The following DOCK1 variants were observed in gnomAD, a reference collection of about 807,000 sequenced individuals.
The protein encoded by DOCK1 is dedicator of cytokinesis protein 1.
DOCK1 carries 138 observed loss-of-function variants against 262.7 expected under a neutral mutation model. The observed-to-expected ratio is 0.53, with a 90% CI of 0.46 to 0.61. DOCK1 has a LOEUF of 0.61. Among genes scored for constraint, DOCK1 ranks in the 20% least tolerant of loss-of-function variants. The pLI is 0.00. For missense variants in DOCK1, 1,908 were observed against 2,370.7 expected (o/e 0.80, Z 4.05); for synonymous variants, 866 against 867.4 (o/e 1.00, Z 0.03).
At chr10:126,928,689 G>A (rs969322734) in intron 1 of DOCK1, among the ~76,000 whole-genome samples, 1 of 152,236 alleles carries the variant, frequency 6.6e-6, no homozygotes, top group Non-Finnish European at 1.5e-5. Flanking sequence ...GTTAAGAAGA[G>A]GAGGGACGCA....
At chr10:127,086,437 G>A (rs1030812173) in intron 23 of DOCK1, among the ~76,000 whole-genome samples, 1 of 152,080 alleles carries the variant, frequency 6.6e-6, no homozygotes, top group South Asian at 2.1e-4. Context: ...AAGTTACCTG[G>A]CAGAATGAAT....
chr10:127,078,785 C>T (rs116026309), intron 23 of DOCK1, among the ~76,000 whole-genome samples: 1,708 of 152,240 alleles, frequency 0.011, 36 homozygotes, highest in African/African-American at 0.039. Context: ...TTTACAGCAA[C>T]CTGGATGGAG....
rs1218472134 is a variant in DOCK1 at position 127,355,150 on chromosome 10, C to CA, written c.3283+423_3283+424insA. Among the ~76,000 whole-genome samples, 4 of 29,492 alleles carry CA rather than the reference C, an allele frequency of 1.4e-4. No individual in the cohort carries two copies. In the African/African-American group the frequency reaches 1.5e-3, roughly 11 times the overall value. 19.3% of individuals were successfully genotyped at this position (29,492 alleles called of 152,430 possible). On this transcript the variant is annotated intron_variant, in intron 32 of 51. Coordinates refer to ENST00000623213, the MANE Select transcript of DOCK1 (RefSeq NM_001290223.2). ...ATTCCCCTCCTCAAAACCAGATCTA[C>CA]CTGGTGGCAGCCTAACATGCTCCTG...
At chr10:127,346,494 G>A (rs1207760622) in intron 31 of DOCK1, among the ~76,000 whole-genome samples, 1 of 152,170 alleles carries the variant, frequency 6.6e-6, no homozygotes, top group South Asian at 2.1e-4. Context: ...TACTCAGGAG[G>A]CTGAAGTGGG....
At chr10:126,944,592 C>T (rs1029648063) in intron 1 of DOCK1, among the ~76,000 whole-genome samples, 4 of 151,840 alleles carry the variant, frequency 2.6e-5, no homozygotes, top group Non-Finnish European at 2.9e-5. Flanking sequence ...GACCGGGGAG[C>T]GGAGGCCCAG....
At chr10:127,165,644 A>G (rs72834691) in intron 27 of DOCK1, among the ~76,000 whole-genome samples, 1 of 152,164 alleles carries the variant, frequency 6.6e-6, no homozygotes, top group East Asian at 1.9e-4. Context: ...TGTGGACATC[A>G]ATATGAGGAA....
chr10:127,025,602 A>G (rs1366789186), intron 15 of DOCK1, among the ~76,000 whole-genome samples: 3 of 152,016 alleles, frequency 2.0e-5, no homozygotes, highest in Admixed American at 6.5e-5. Context: ...ATGTACCATG[A>G]TGCCTGGCTA....
At chr10:127,327,115 G>A (rs2062778060) in intron 29 of DOCK1, among the ~76,000 whole-genome samples, 8 of 152,238 alleles carry the variant, frequency 5.3e-5, no homozygotes, top group Admixed American at 5.2e-4. Flanking sequence ...AGGATGTTCA[G>A]AATAACAAAT....
intron 29 of DOCK1, among the ~76,000 whole-genome samples, chr10:127,301,872 G>C (rs1408982895): frequency 6.6e-6 from 1 of 151,640 alleles, no homozygotes; most frequent in Non-Finnish European, 1.5e-5. Flanking sequence ...CTTGAACCCA[G>C]GAGGTGGAGG....
chr10:127,298,083 G>T (rs2061561809), intron 29 of DOCK1, among the ~76,000 whole-genome samples: 1 of 152,210 alleles, frequency 6.6e-6, no homozygotes. Context: ...GTGTGAATCA[G>T]TGTGAATTTT....
intron 23 of DOCK1, among the ~76,000 whole-genome samples, chr10:127,078,085 C>T (rs758090661): frequency 3.9e-5 from 6 of 151,942 alleles, no homozygotes; most frequent in Non-Finnish European, 7.4e-5. Context: ...TATTAGAGAT[C>T]CTGAGCTGAC....
chr10:127,323,375 C>T (rs937916438), intron 29 of DOCK1, among the ~76,000 whole-genome samples: 7 of 152,152 alleles, frequency 4.6e-5, no homozygotes, highest in African/African-American at 1.7e-4. Context: ...GACGTCTCTC[C>T]TGTGTATATT....
chr10:127,350,254 A>T (rs1014179516), intron 31 of DOCK1, among the ~76,000 whole-genome samples: 4 of 115,354 alleles, frequency 3.5e-5, no homozygotes, highest in African/African-American at 1.0e-4. Context: ...AAGTGGCGGC[A>T]GCGGGGACGC....
chr10:127,350,236 T>TA (rs573442780), intron 31 of DOCK1, among the ~76,000 whole-genome samples: 5 of 147,054 alleles, frequency 3.4e-5, no homozygotes, highest in South Asian at 2.2e-4. Flanking sequence ...TTATGAAACT[T>TA]AAAAAAAAAG....
At chr10:127,132,506 T>C (rs1253157219) in intron 27 of DOCK1, among the ~76,000 whole-genome samples, 1 of 152,200 alleles carries the variant, frequency 6.6e-6, no homozygotes, top group Non-Finnish European at 1.5e-5. Flanking sequence ...TAAGTCAGAC[T>C]TCAGGATTTA....
In DOCK1 at chr10:127,036,040, AAAT is replaced by A. The variant is rs1564751028; in HGVS notation, c.1913-1676_1913-1674del. Among the ~76,000 whole-genome samples, 82 of 137,380 alleles carry A rather than the reference AAAT, an allele frequency of 6.0e-4. 1 individual carries two copies. Among genetic ancestry groups the A allele is most frequent in the Middle Eastern group, 7.6e-3 (2 of 264 alleles). 90.1% of individuals were successfully genotyped at this position (137,380 alleles called of 152,430 possible). ...TAAATAAATAAATAAATAAATAAAT[AAAT>A]AAAAAAGAGTAGAGTGCTCAATTCG... is the stretch of plus-strand genomic sequence containing the variant. On this transcript the variant is annotated intron_variant, in intron 18 of 51. Transcript: ENST00000623213.
chr10:127,351,379 A>T (rs546527896), intron 31 of DOCK1, among the ~76,000 whole-genome samples: 1 of 152,302 alleles, frequency 6.6e-6, no homozygotes, highest in Admixed American at 6.5e-5. Context: ...GGGCACAGAA[A>T]TGTCAGCTTG....
intron 38 of DOCK1, among the ~76,000 whole-genome samples, chr10:127,385,946 A>T (rs1374273353): frequency 6.6e-6 from 1 of 152,164 alleles, no homozygotes; most frequent in African/African-American, 2.4e-5. Context: ...CCTTGATTAC[A>T]TCCAAATACC....
intron 12 of DOCK1, 84 bp from the exon 13 acceptor site, chr10:127,018,626 C>T: frequency 6.3e-7 from 1 of 1,588,468 alleles, no homozygotes; most frequent in Non-Finnish European, 8.6e-7. Flanking sequence ...TTAAAAGTCT[C>T]TCATTCATTG....
Sources: gnomAD v4.1 joint callset for allele counts (sites outside exome capture counted in the v4.1 genomes callset) on GRCh38, gnomAD v4.1.1 for gene constraint, MANE v1.5 for transcripts, NCBI Gene and HGNC (gene_info 2026-07-23, HGNC 2026-07-21) for gene names.